PCDHA2: variants seen among roughly 807,000 people sequenced by gnomAD.
PCDHA2 encodes protocadherin alpha 2.
Under a neutral mutation model 66.0 loss-of-function variants are expected in PCDHA2, and 58 were observed. The observed-to-expected ratio is 0.88, with a 90% CI of 0.71 to 1.09. The LOEUF (loss-of-function observed/expected upper bound fraction) is 1.09, where lower values mean the gene tolerates loss of function less well. Ranked by LOEUF, PCDHA2 falls within the 50% of genes least tolerant of loss-of-function variation. The pLI is 0.00. For synonymous variants in PCDHA2, 634 were observed against 554.0 expected, an observed-to-expected ratio of 1.14 and a Z score of -2.03; for missense variants, 1,267 against 1,242.3, an observed-to-expected ratio of 1.02 and a Z score of -0.30.
chr5:140,848,876 C>T (rs2150423222), intron 1 of PCDHA2: 4 of 1,590,940 alleles, frequency 2.5e-6, no homozygotes, highest in Admixed American at 1.7e-5. Context: ...AGGACATTAA[C>T]GACAACCCTC....
chr5:140,868,946 G>C, intron 1 of PCDHA2: 1 of 1,292,216 alleles, frequency 7.7e-7, no homozygotes, highest in Non-Finnish European at 1.1e-6. Flanking sequence ...TCTGAACAGT[G>C]AGGCACTCCC....
rs782226254 is a variant in PCDHA2 at position 140,882,345 on chromosome 5, C to T, written c.2388+84993C>T. The T allele has an allele frequency of 6.8e-6, 11 of 1,614,042 alleles. No homozygotes were observed. In the Admixed American group the frequency reaches 1.5e-4, roughly 22 times the overall value. Reference sequence around the variant, plus strand: ...CTTCTGATCCTCGCAGCCTGGGAGACGGGTAGTGGCCAGCTCCACTACTCC... The same window carrying T: ...CTTCTGATCCTCGCAGCCTGGGAGATGGGTAGTGGCCAGCTCCACTACTCC... On this transcript the variant is annotated intron_variant, in intron 1 of 3. Transcript: ENST00000526136.
Position 140,835,427 on chromosome 5 carries a change from A to G in PCDHA2, c.2388+38075A>G, listed in dbSNP as rs2150235532. The stretch of plus-strand genomic sequence containing the variant: ...TTGTGGATGTAAATGACAATGCTCC[A>G]CAGTTGACTCTCACTTCCCTGTCTC... On this transcript the variant is annotated intron_variant, in intron 1 of 3. Transcript: ENST00000526136. The G allele has an allele frequency of 7.4e-6, 12 of 1,613,812 alleles. No homozygotes were observed. In the Admixed American group the frequency reaches 1.5e-4, roughly 20 times the overall value.
chr5:140,929,927 G>A (rs2086481303), intron 1 of PCDHA2: 1 of 152,202 alleles, frequency 6.6e-6, no homozygotes, highest in Non-Finnish European at 1.5e-5. Flanking sequence ...ATAAAAAACA[G>A]TGTATTCTCT....
chr5:140,887,101 CT>C (rs200717289), intron 1 of PCDHA2, among the ~76,000 whole-genome samples: 3,245 of 145,086 alleles, frequency 0.022, 87 homozygotes, highest in African/African-American at 0.074. Flanking sequence ...ATCTTTATCT[CT>C]TTTTTTTTTT....
In PCDHA2 at chr5:140,796,430, T is replaced by G. The variant is rs901321860; in HGVS notation, c.1466T>G (p.Leu489Arg). The change falls in exon 1 of 4, where the codon CTG becomes CGG. Residue 489 changes from leucine (L) to arginine (R), a missense_variant. Leu to Arg is a moderately radical substitution (Grantham distance 102). Coordinates refer to ENST00000526136, the MANE Select transcript of PCDHA2 (RefSeq NM_018905.3). ...GATGCGGACGCGCAGGAGAACGCGC[T>G]GGTGTCCTACTCGCTGGTGGAGCGG... ...AWDADAQENA[L>R]VSYSLVERRV... 4.3e-6 allele frequency: 7 copies of G among 1,613,668 alleles called. No homozygotes were observed. Among genetic ancestry groups the G allele is most frequent in the Non-Finnish European group, 5.9e-6 (7 of 1,179,936 alleles).
intron 1 of PCDHA2, among the ~76,000 whole-genome samples, chr5:140,921,987 G>T (rs1414139435): frequency 6.6e-6 from 1 of 151,868 alleles, no homozygotes; most frequent in Non-Finnish European, 1.5e-5. Context: ...AACTAAAAAA[G>T]AGTTCAATGA....
intron 1 of PCDHA2, among the ~76,000 whole-genome samples, chr5:140,889,098 T>C (rs1252119447): frequency 6.6e-6 from 1 of 152,012 alleles, no homozygotes; most frequent in African/African-American, 2.4e-5. Flanking sequence ...AACAATTTTT[T>C]CATCTTTATT....
rs1554120394 is a variant in PCDHA2 at position 140,797,305 on chromosome 5, G to T, written c.2341G>T (p.Asp781Tyr). 7 of 1,614,228 alleles carry T rather than the reference G, an allele frequency of 4.3e-6. No homozygotes were observed. Among genetic ancestry groups the T allele is most frequent in the Non-Finnish European group, 5.1e-6 (6 of 1,180,042 alleles). The change falls in exon 1 of 4, where the codon GAC becomes TAC. Residue 781 changes from aspartate (D) to tyrosine (Y), a missense_variant. Transcript: ENST00000526136. ...CAGCCCTAGCTTATCTCAAGGTCCAGACTCCGCAGAAGAGAAACAGCTCTC... is the reference window on the plus strand; with the variant it reads ...CAGCCCTAGCTTATCTCAAGGTCCATACTCCGCAGAAGAGAAACAGCTCTC... ...AFSPSLSQGPDSAEEKQLSES... is the reference protein window; with the variant it reads ...AFSPSLSQGPYSAEEKQLSES...
At position 140,883,268 on chromosome 5, in the gene PCDHA2, T is replaced by C. The variant is rs782069573; in HGVS notation, c.2388+85916T>C. 3 of 1,613,912 alleles carry C rather than the reference T, an allele frequency of 1.9e-6. No homozygotes were observed. The African/African-American group carries it at 4.0e-5, about 22-fold the overall frequency. On this transcript the variant is annotated intron_variant, in intron 1 of 3. Coordinates refer to ENST00000526136, the MANE Select transcript of PCDHA2 (RefSeq NM_018905.3). ...AGGAAATATTCCAATGGCGGGTCAT[T>C]GTACCCTTTTGGTGGAAGTACTAGA...
chr5:140,939,798 C>A (rs2092461303), intron 1 of PCDHA2, among the ~76,000 whole-genome samples: 1 of 152,138 alleles, frequency 6.6e-6, no homozygotes, highest in African/African-American at 2.4e-5. Flanking sequence ...TATAAATGTT[C>A]TGCATGTTCA....
chr5:140,959,055 C>A (rs2095463398), intron 1 of PCDHA2, among the ~76,000 whole-genome samples: 1 of 151,914 alleles, frequency 6.6e-6, no homozygotes, highest in African/African-American at 2.4e-5. Flanking sequence ...GGAAAAAATG[C>A]AGTATATATA....
At chr5:140,916,603 G>A (rs782815026) in intron 1 of PCDHA2, among the ~76,000 whole-genome samples, 4 of 152,152 alleles carry the variant, frequency 2.6e-5, no homozygotes, top group South Asian at 2.1e-4. Flanking sequence ...CCTGGAATGC[G>A]GGCCTCATGA....
At position 140,796,140 on chromosome 5, in the gene PCDHA2, C is replaced by G. The variant is rs782363185; in HGVS notation, c.1176C>G (p.His392Gln). ...NGHVTCSLTP[H>Q]VPFKLVSTFK... ...ATGTCACCTGCTCCCTGACGCCCCACGTCCCTTTCAAGCTGGTGTCCACCT... is the reference window on the plus strand; with the variant it reads ...ATGTCACCTGCTCCCTGACGCCCCAGGTCCCTTTCAAGCTGGTGTCCACCT... Residue 392 changes from histidine to glutamine, a missense_variant, in exon 1 of 4, where the codon CAC becomes CAG. Transcript: ENST00000526136. 1 of 1,614,232 alleles carries G rather than the reference C, an allele frequency of 6.2e-7. No individual in the cohort carries two copies. The highest frequency in any genetic ancestry group is 1.1e-5 in the South Asian group (1 of 91,080).
chr5:140,883,674 C>T (rs782029001), intron 1 of PCDHA2: 5 of 1,613,738 alleles, frequency 3.1e-6, no homozygotes, highest in African/African-American at 2.7e-5. Flanking sequence ...GAAAACAATC[C>T]GCCGGGCTGC....
chr5:140,892,910 C>T (rs1206176408), intron 1 of PCDHA2, among the ~76,000 whole-genome samples: 1 of 152,164 alleles, frequency 6.6e-6, no homozygotes, highest in Non-Finnish European at 1.5e-5. Context: ...TCCTCCTTTT[C>T]CTTCACCCTT....
chr5:140,892,185 C>T (rs569665979), intron 1 of PCDHA2, among the ~76,000 whole-genome samples: 1 of 152,254 alleles, frequency 6.6e-6, no homozygotes, highest in East Asian at 1.9e-4. Flanking sequence ...CCTCATGGGT[C>T]TATTCCTGTG....
At chr5:140,895,367 CT>C (rs35382025) in intron 1 of PCDHA2, among the ~76,000 whole-genome samples, 1 of 152,014 alleles carries the variant, frequency 6.6e-6, no homozygotes, top group Non-Finnish European at 1.5e-5. Context: ...CTTATTGGCA[CT>C]TTTTGGAGTT....
At chr5:140,953,218 C>T (rs575250415) in intron 1 of PCDHA2, among the ~76,000 whole-genome samples, 2 of 152,272 alleles carry the variant, frequency 1.3e-5, no homozygotes, top group East Asian at 3.9e-4. Flanking sequence ...ATCTTTCTTG[C>T]TTCTGCTTGG....
Sources: allele counts gnomAD v4.1 joint callset (sites outside exome capture counted in the v4.1 genomes callset), GRCh38; gene constraint gnomAD v4.1.1; transcripts MANE v1.5; gene names NCBI Gene and HGNC (gene_info 2026-07-23, HGNC 2026-07-21).